Variants in HERC3 observed in about 807,000 individuals in gnomAD.
HERC3 encodes probable E3 ubiquitin-protein ligase HERC3.
Under a neutral mutation model 129.9 loss-of-function variants are expected in HERC3, and 58 were observed. The ratio of observed to expected loss-of-function variants is 0.45; its 90% CI spans 0.36 to 0.56. The LOEUF (loss-of-function observed/expected upper bound fraction) is 0.56. HERC3 is among the 20% of genes least tolerant of loss of function. The pLI, the probability that HERC3 is intolerant of heterozygous loss-of-function variation, is 0.00. For synonymous variants in HERC3, 430 were observed against 451.0 expected, an observed-to-expected ratio of 0.95 and a Z score of 0.59; for missense variants, 835 against 1,244.2, an observed-to-expected ratio of 0.67 and a Z score of 4.95.
the HERC3 span, among the ~76,000 whole-genome samples, chr4:88,578,680 AG>A: frequency 5.9e-5 from 9 of 152,122 alleles, no homozygotes; most frequent in African/African-American, 2.2e-4. Flanking sequence ...AAGAAAAAGG[AG>A]GAGGAGGTAA....
chr4:88,702,659 T>C (rs758052192), intron 23 of HERC3, among the ~76,000 whole-genome samples: 41 of 152,244 alleles, frequency 2.7e-4, no homozygotes, highest in Non-Finnish European at 4.7e-4. Context: ...GTTGTTTCTC[T>C]AAATTCTCTA....
intron 23 of HERC3, chr4:88,693,744 A>G (rs1734310886): frequency 1.1e-6 from 1 of 943,722 alleles, no homozygotes; most frequent in Non-Finnish European, 1.3e-6. Flanking sequence ...CATTTTTCAC[A>G]GTAAGCATCG....
chr4:88,698,602 C>T lies in HERC3; in HGVS notation c.2658-5496C>T, dbSNP rs539993255. 1.5e-4 allele frequency among the ~76,000 whole-genome samples: 15 copies of T among 102,560 alleles called. No individual in the cohort carries two copies. In the East Asian group the frequency reaches 4.3e-3, roughly 30 times the overall value. 67.3% of individuals were successfully genotyped at this position (102,560 alleles called of 152,430 possible). The stretch of plus-strand genomic sequence containing the variant: ...TCTTTCTAAAGCATGGGGCCCAGGG[C>T]CAAGGCCCCCTCTTATCTTGGTTAA... On this transcript the variant is annotated intron_variant, in intron 23 of 25. Transcript: ENST00000402738.
chr4:88,666,958 G>T (rs1731110657), intron 12 of HERC3, among the ~76,000 whole-genome samples: 1 of 151,980 alleles, frequency 6.6e-6, no homozygotes, highest in Non-Finnish European at 1.5e-5. Flanking sequence ...TTTGCACAGG[G>T]GACGTTATTT....
At position 88,676,227 on chromosome 4, in the gene HERC3, C is replaced by G. The variant is rs768682642; in HGVS notation, c.1921C>G (p.Pro641Ala). The G allele has an allele frequency of 6.4e-7, 1 of 1,570,008 alleles. No individual in the cohort carries two copies. The highest frequency in any genetic ancestry group is 1.1e-5 in the South Asian group (1 of 89,796). The change falls in exon 17 of 26, where the codon CCA becomes GCA. Residue 641 changes from proline (P) to alanine (A), a missense_variant. Coordinates refer to ENST00000402738, the MANE Select transcript of HERC3 (RefSeq NM_014606.3). ...FLHQAGMKAR[P>A]SIIQDTVTLC... ...ATTTTTCTTTACACAGAAGGCTAGA[C>G]CATCAATAATACAGGTAAATGATCC...
intron 3 of HERC3, among the ~76,000 whole-genome samples, chr4:88,643,539 G>A (rs1005155841): frequency 6.6e-6 from 1 of 152,266 alleles, no homozygotes; most frequent in Non-Finnish European, 1.5e-5. Context: ...AGGTGTAGAC[G>A]CAGTCCAATA....
intron 23 of HERC3, among the ~76,000 whole-genome samples, chr4:88,689,109 G>C (rs1733786958): frequency 6.6e-6 from 1 of 152,132 alleles, no homozygotes; most frequent in African/African-American, 2.4e-5. Flanking sequence ...ACTTTTATTG[G>C]CTTCTTCCTC....
rs201344582 is a variant in HERC3 at position 88,654,178 on chromosome 4, G to T, written c.777+45G>T. 739 of 1,317,466 alleles carry T rather than the reference G, an allele frequency of 5.6e-4. 2 individuals carry two copies. The African/African-American group carries it at 6.3e-3, about 11-fold the overall frequency. 81.6% of individuals were successfully genotyped at this position (1,317,466 alleles called of 1,614,324 possible). A position where few individuals can be genotyped will look rare whatever the true frequency, so the allele number is the denominator to read the frequency against. The stretch of plus-strand genomic sequence containing the variant: ...TTACTTTGGTGCTGGGGATATGATG[G>T]GTGATTAGAATTGCTTGATTATGTT... On this transcript the variant is annotated intron_variant, in intron 7 of 25. Coordinates refer to ENST00000402738, the MANE Select transcript of HERC3 (RefSeq NM_014606.3).
chr4:88,661,884 A>G (rs1336411794), intron 10 of HERC3, among the ~76,000 whole-genome samples: 1 of 152,182 alleles, frequency 6.6e-6, no homozygotes, highest in Non-Finnish European at 1.5e-5. Flanking sequence ...GTGGACATTT[A>G]TGGCAGATGA....
intron 18 of HERC3, 37 bp downstream of exon 18, chr4:88,676,460 T>C (rs766054039): frequency 7.2e-7 from 1 of 1,382,604 alleles, no homozygotes; most frequent in East Asian, 2.3e-5. Flanking sequence ...CTTTTTACTG[T>C]GTTTCTCCCA....
chr4:88,603,890 C>G (rs2149188676), intron 2 of HERC3, among the ~76,000 whole-genome samples: 1 of 152,296 alleles, frequency 6.6e-6, no homozygotes, highest in East Asian at 1.9e-4. Flanking sequence ...TAACAATTCT[C>G]ACAATTAAAC....
intron 21 of HERC3, chr4:88,684,794 A>T (rs1733217060): frequency 6.6e-6 from 1 of 152,332 alleles, no homozygotes; most frequent in South Asian, 2.1e-4. Context: ...CAACCCCATC[A>T]AAAAGTGGGC....
At chr4:88,667,782 A>G (rs1560740380) in intron 13 of HERC3, 110 bp from the exon 14 acceptor site, 6 of 800,530 alleles carry the variant, frequency 7.5e-6, no homozygotes, top group Admixed American at 6.7e-5. Flanking sequence ...TTCTCAGTGC[A>G]TAGTGAATGA....
intron 18 of HERC3, 35 bp downstream of exon 18, chr4:88,676,458 T>C: frequency 7.1e-7 from 1 of 1,408,614 alleles, no homozygotes; most frequent in Non-Finnish European, 1.0e-6. Context: ...TTCTTTTTAC[T>C]GTGTTTCTCC....
At chr4:88,634,154 G>A (rs1727090900) in intron 3 of HERC3, among the ~76,000 whole-genome samples, 1 of 152,206 alleles carries the variant, frequency 6.6e-6, no homozygotes, top group African/African-American at 2.4e-5. Context: ...CCTTAGCTGA[G>A]GGAGGTGGTT....
chr4:88,691,587 A>G (rs777289282), intron 23 of HERC3, among the ~76,000 whole-genome samples: 4 of 152,172 alleles, frequency 2.6e-5, no homozygotes, highest in Non-Finnish European at 4.4e-5. Context: ...AGTCCCATTC[A>G]TGGTTACTGC....
the HERC3 span, among the ~76,000 whole-genome samples, chr4:88,550,867 T>C: frequency 1.1e-4 from 17 of 151,466 alleles, no homozygotes; most frequent in South Asian, 2.3e-3. Context: ...AGGCATCACG[T>C]TACCTGACTT....
At chr4:88,591,418 G>A (rs1721701680), upstream of HERC3, among the ~76,000 whole-genome samples, 1 of 152,176 alleles carries the variant, frequency 6.6e-6, no homozygotes, top group Non-Finnish European at 1.5e-5. Flanking sequence ...TGGTCAGTCT[G>A]TTAGGTTCTC....
intron 3 of HERC3, among the ~76,000 whole-genome samples, chr4:88,617,618 G>A (rs1249528772): frequency 1.3e-5 from 2 of 152,124 alleles, no homozygotes; most frequent in African/African-American, 2.4e-5. Flanking sequence ...ACGCCTGTAA[G>A]CCCAGCACTT....
Sources: gnomAD v4.1 joint callset for allele counts (sites outside exome capture counted in the v4.1 genomes callset) on GRCh38, gnomAD v4.1.1 for gene constraint, MANE v1.5 for transcripts, NCBI Gene and HGNC (gene_info 2026-07-23, HGNC 2026-07-21) for gene names.